The following LETMD1 variants were observed in gnomAD, a reference collection of about 807,000 sequenced individuals.
LETMD1 encodes LETM1 domain containing 1.
In LETMD1, 30 loss-of-function variants were observed where a neutral mutation model predicts 43.9. That is an observed-to-expected ratio of 0.68 (90% CI 0.51 to 0.93). LETMD1 has a LOEUF of 0.93. Among genes scored for constraint, LETMD1 ranks in the 40% least tolerant of loss-of-function variants. The pLI is 0.00. For synonymous variants in LETMD1, 176 were observed against 163.1 expected (o/e 1.08, Z -0.60); for missense variants, 413 against 447.7 (o/e 0.92, Z 0.70).
At chr12:51,065,700 T>C in the LETMD1 span, among the ~76,000 whole-genome samples, 1 of 152,126 alleles carries the variant, frequency 6.6e-6, no homozygotes, top group Non-Finnish European at 1.5e-5. Flanking sequence ...GCTCAAGCAG[T>C]CCTTCCACCC....
chr12:51,067,858 G>A, the LETMD1 span: 1 of 1,614,182 alleles, frequency 6.2e-7, no homozygotes, highest in Non-Finnish European at 8.5e-7. The surrounding 1 kb of genome is among the most constrained non-coding windows in gnomAD (Gnocchi z 4.1). Context: ...AGAGGCTGCA[G>A]GAAGAAGTAA....
Position 51,059,436 on chromosome 12 carries a change from A to C in LETMD1, c.*5A>C. The C allele has an allele frequency of 6.2e-7, 1 of 1,613,370 alleles. No individual in the cohort carries two copies. Among genetic ancestry groups the C allele is most frequent in the Non-Finnish European group, 8.5e-7 (1 of 1,179,274 alleles). ...TACCTTGGGACAAGGCGCTGAATGA[A>C]CCATGGAGCGGATGGCATTGTCCTG... On this transcript the variant is annotated 3_prime_UTR_variant, in exon 9 of 9. Coordinates refer to ENST00000262055, the MANE Select transcript of LETMD1 (RefSeq NM_015416.5).
intron 8 of LETMD1, 195 bp downstream of exon 8, chr12:51,058,323 G>A: frequency 1.7e-6 from 1 of 595,758 alleles, no homozygotes; most frequent in Non-Finnish European, 3.0e-6. Flanking sequence ...AGGGAGTAGT[G>A]GGGACTGTGG....
At chr12:51,068,007 A>G in the LETMD1 span, 1 of 1,586,892 alleles carries the variant, frequency 6.3e-7, no homozygotes, top group Non-Finnish European at 8.6e-7. Context: ...CATAGACATG[A>G]GCGGCATGCA....
chr12:51,064,196 A>G (rs369265689), downstream of LETMD1: 73 of 1,614,068 alleles, frequency 4.5e-5, no homozygotes, highest in Non-Finnish European at 5.6e-5. Context: ...AGTTCTCGGT[A>G]AAACACAGGA....
chr12:51,056,388 GCCT>G lies in LETMD1; in HGVS notation c.807_809del (p.Pro270del). 1 of 1,614,188 alleles carries G rather than the reference GCCT, an allele frequency of 6.2e-7. No individual in the cohort carries two copies. The highest frequency in any genetic ancestry group is 8.5e-7 in the Non-Finnish European group (1 of 1,180,036). ...GGGCCATGCTTCTCACATCTTACCT[GCCT>G]CCTCCCTTGTTGAGACATCGTTTGA... On this transcript the variant is annotated inframe_deletion, in exon 7 of 9. Transcript: ENST00000262055.
At chr12:51,056,678 A>T in intron 7 of LETMD1, 176 bp downstream of exon 7, 1 of 538,078 alleles carries the variant, frequency 1.9e-6, no homozygotes, top group Non-Finnish European at 3.1e-6. Context: ...ATTTTGAGAC[A>T]GAGTCTCATT....
downstream of LETMD1, chr12:51,064,275 G>T (rs772943332): frequency 1.2e-6 from 2 of 1,612,786 alleles, no homozygotes; most frequent in African/African-American, 2.7e-5. Context: ...CAGCTCTTCG[G>T]GGACAGCCAG....
the LETMD1 span, among the ~76,000 whole-genome samples, chr12:51,066,959 AC>A: frequency 0.16 from 24,556 of 151,816 alleles, 2,192 homozygotes; most frequent in South Asian, 0.26. Context: ...CCTCTTGAGT[AC>A]CTGGGACTAC....
At position 51,059,701 on chromosome 12, in the gene LETMD1, A is replaced by G. The variant is rs975513492; in HGVS notation, c.*270A>G. On this transcript the variant is annotated 3_prime_UTR_variant, in exon 9 of 9. Coordinates refer to ENST00000262055, the MANE Select transcript of LETMD1 (RefSeq NM_015416.5). The stretch of plus-strand genomic sequence containing the variant: ...ATAATTACTAATAGCTGGAACTGGC[A>G]GCAGCCTCTACTGGGCTTTTACTGT... 1 of 461,984 alleles carries G rather than the reference A, an allele frequency of 2.2e-6. No homozygotes were observed. Among genetic ancestry groups the G allele is most frequent in the African/African-American group, 2.0e-5 (1 of 50,570 alleles). 28.6% of individuals were successfully genotyped at this position (461,984 alleles called of 1,614,324 possible).
chr12:51,055,175 C>T (rs1947299314), intron 4 of LETMD1, among the ~76,000 whole-genome samples: 2 of 152,084 alleles, frequency 1.3e-5, no homozygotes, highest in Admixed American at 6.6e-5. Flanking sequence ...AGATTGTCAA[C>T]ATCACATATA....
Position 51,049,236 on chromosome 12 carries a change from C to T in LETMD1, c.274+51C>T, listed in dbSNP as rs1245832423. ...TCCGGAATCAGCTCTTGGGCAGGGTCAAAGAGTTAGCATAAATAAGATCAT... is the reference window on the plus strand; with the variant it reads ...TCCGGAATCAGCTCTTGGGCAGGGTTAAAGAGTTAGCATAAATAAGATCAT... On this transcript the variant is annotated intron_variant, in intron 2 of 8. Transcript: ENST00000262055. The T allele has an allele frequency of 2.6e-6, 4 of 1,514,654 alleles. No homozygotes were observed. In the African/African-American group the frequency reaches 5.5e-5, roughly 21 times the overall value. The allele number at this position is 1,514,654 out of a possible 1,614,324, so 93.8% of individuals were successfully genotyped here. A position where few individuals can be genotyped will look rare whatever the true frequency, so the allele number is the denominator to read the frequency against.
the LETMD1 span, chr12:51,067,591 G>T: frequency 1.5e-6 from 2 of 1,366,278 alleles, no homozygotes; most frequent in Non-Finnish European, 2.0e-6. The surrounding 1 kb of genome is among the most constrained non-coding windows in gnomAD (Gnocchi z 4.1). Context: ...CCCCTGAATG[G>T]GCCTCCCATG....
At position 51,052,224 on chromosome 12, in the gene LETMD1, G is replaced by A. The variant is rs1362838805; in HGVS notation, c.390+17G>A. 1 of 1,612,874 alleles carries A rather than the reference G, an allele frequency of 6.2e-7. No individual in the cohort carries two copies. On this transcript the variant is annotated intron_variant, in intron 3 of 8. Transcript: ENST00000262055. ...TTGAGACAGGTATGGGCCAGGGGCA[G>A]ATATCCAGAAGTTCATGGTGAGGTA...
Position 51,049,116 on chromosome 12 carries a change from G to C in LETMD1, c.205G>C (p.Gly69Arg). The change falls in exon 2 of 9, where the codon GGG becomes CGG. Residue 69 changes from glycine to arginine, a missense_variant. Physicochemically the swap from Gly to Arg is moderately radical, Grantham distance 125 (BLOSUM62 -2). Coordinates refer to ENST00000262055, the MANE Select transcript of LETMD1 (RefSeq NM_015416.5). ...GGTAACCAAGACAAAAGCGATTAAT[G>C]GGAAATACCATCGTTTCTTGGGTCG... ...YVVTKTKAIN[G>R]KYHRFLGRHF... 6.2e-7 allele frequency: 1 copy of C among 1,613,888 alleles called. No individual in the cohort carries two copies. Among genetic ancestry groups the C allele is most frequent in the East Asian group, 2.2e-5 (1 of 44,880 alleles).
chr12:51,050,846 T>C lies in LETMD1; in HGVS notation c.275-1246T>C, dbSNP rs1301786512. Among the ~76,000 whole-genome samples, 4 of 150,708 alleles carry C rather than the reference T, an allele frequency of 2.7e-5. No individual in the cohort carries two copies. The East Asian group carries it at 8.1e-4, about 30-fold the overall frequency. On this transcript the variant is annotated intron_variant, in intron 2 of 8. Coordinates refer to ENST00000262055, the MANE Select transcript of LETMD1 (RefSeq NM_015416.5). ...CTGACCAACATAGAGAAGCACCGTC[T>C]CTACTAAAAATACAAAATCAGCCAG...
At chr12:51,063,890 A>C (rs779366329), downstream of LETMD1, 2 of 1,614,040 alleles carry the variant, frequency 1.2e-6, no homozygotes, top group African/African-American at 2.7e-5. Flanking sequence ...GGAAGTCTTC[A>C]TTTTCAGGCT....
At chr12:51,055,711 T>G in intron 4 of LETMD1, 124 bp from the exon 5 acceptor site, 5 of 418,318 alleles carry the variant, frequency 1.2e-5, no homozygotes, top group African/African-American at 2.2e-5. Flanking sequence ...AAAAGAACAC[T>G]GAGGTAGGGA....
At chr12:51,048,870 A>T (rs1053335937) in intron 1 of LETMD1, 164 bp from the exon 2 acceptor site, 2 of 674,844 alleles carry the variant, frequency 3.0e-6, no homozygotes, top group East Asian at 2.7e-5. Flanking sequence ...TGTGTTTCAC[A>T]GTCTGATTGC....
Sources: gnomAD v4.1 joint callset for allele counts (sites outside exome capture counted in the v4.1 genomes callset) on GRCh38, gnomAD v4.1.1 for gene constraint, Gnocchi (gnomAD v3.1) non-coding constraint, MANE v1.5 for transcripts, NCBI Gene and HGNC (gene_info 2026-07-23, HGNC 2026-07-21) for gene names.